The following PIGP variants were observed in gnomAD, a reference collection of about 807,000 sequenced individuals.
PIGP encodes phosphatidylinositol glycan anchor biosynthesis class P.
Under a neutral mutation model 16.9 loss-of-function variants are expected in PIGP, and 12 were observed. The observed-to-expected ratio is 0.71, with a 90% CI of 0.46 to 1.15. PIGP has a LOEUF of 1.15. Ranked by LOEUF, PIGP falls within the 50% of genes most tolerant of loss-of-function variation. The probability of loss-of-function intolerance (pLI) is 0.00; values close to 1 mark genes in which losing one functional copy is unlikely to be tolerated. For synonymous variants in PIGP, 57 were observed against 54.7 expected (o/e 1.04, Z -0.18); for missense variants, 159 against 153.5 (o/e 1.04, Z -0.19).
intron 4 of PIGP, among the ~76,000 whole-genome samples, chr21:37,066,016 G>A (rs1434247626): frequency 6.6e-6 from 1 of 152,064 alleles, no homozygotes; most frequent in Non-Finnish European, 1.5e-5. Flanking sequence ...CCAGGGGGCG[G>A]AGCCTGCAGT....
At chr21:37,070,375 TGA>T (rs1310448500) in intron 2 of PIGP, among the ~76,000 whole-genome samples, 1 of 152,186 alleles carries the variant, frequency 6.6e-6, no homozygotes, top group African/African-American at 2.4e-5. Context: ...GTCAGGTGTG[TGA>T]GACACAATAT....
intron 3 of PIGP, among the ~76,000 whole-genome samples, chr21:37,068,371 A>G (rs2069943044): frequency 6.6e-6 from 1 of 151,832 alleles, no homozygotes; most frequent in Admixed American, 6.6e-5. Context: ...TAAAATTTTA[A>G]TTTTGGTTAT....
At chr21:37,072,149 C>G (rs2070100525) in intron 2 of PIGP, 2 of 1,091,428 alleles carry the variant, frequency 1.8e-6, no homozygotes, top group African/African-American at 3.1e-5. Context: ...ATTTACCCAT[C>G]TGTCTCCTCC....
At chr21:37,066,600 C>T (rs569112792) in intron 4 of PIGP, among the ~76,000 whole-genome samples, 14 of 152,258 alleles carry the variant, frequency 9.2e-5, no homozygotes, top group African/African-American at 9.6e-5. Context: ...ACCAGACGAA[C>T]GTGTTGTGGC....
In PIGP at chr21:37,065,468, A is replaced by C; in HGVS notation, c.*114T>G. 1 of 1,027,918 alleles carries C rather than the reference A, an allele frequency of 9.7e-7. No individual in the cohort carries two copies. Among genetic ancestry groups the C allele is most frequent in the Non-Finnish European group, 1.4e-6 (1 of 712,016 alleles). The allele number at this position is 1,027,918 out of a possible 1,614,324, so 63.7% of individuals were successfully genotyped here. On this transcript the variant is annotated 3_prime_UTR_variant, in exon 5 of 5. Coordinates refer to ENST00000360525, the MANE Select transcript of PIGP (RefSeq NM_153682.3). ...ATAATCTAAGAGAAGGTCAACTTAC[A>C]TTTTTTACTTCTCTATTAATAAGAG... is the stretch of plus-strand genomic sequence containing the variant.
At chr21:37,072,319 G>A in intron 2 of PIGP, 115 bp downstream of exon 2, 2 of 1,596,194 alleles carry the variant, frequency 1.3e-6, no homozygotes, top group African/African-American at 1.3e-5. Context: ...TTCTTAAAAA[G>A]AGACATAGGG....
chr21:37,069,257 T>C (rs1389195327), intron 3 of PIGP: 2 of 189,288 alleles, frequency 1.1e-5, no homozygotes, highest in Non-Finnish European at 2.2e-5. Context: ...TGATATCTCT[T>C]TTCTGCTATA....
At chr21:37,067,403 A>G in intron 3 of PIGP, 23 bp from the exon 4 acceptor site, 1 of 1,232,946 alleles carries the variant, frequency 8.1e-7, no homozygotes, top group Non-Finnish European at 1.2e-6. Context: ...ATATTAAAGT[A>G]CATAATAGAC....
intron 2 of PIGP, chr21:37,072,135 G>T: frequency 1.0e-6 from 1 of 991,690 alleles, no homozygotes; most frequent in Non-Finnish European, 1.6e-6. Flanking sequence ...AGCATTAACT[G>T]TAGATTTACC....
chr21:37,071,039 G>A (rs1045790514), intron 2 of PIGP, among the ~76,000 whole-genome samples: 9 of 152,224 alleles, frequency 5.9e-5, no homozygotes, highest in Non-Finnish European at 1.0e-4. Flanking sequence ...GGGATTACAG[G>A]CGTGAGCCAC....
chr21:37,065,583 C>A lies in PIGP; in HGVS notation c.404G>T (p.Ter135LeuextTer20). The part of the protein sequence containing the change: ...LAAKELYTKN[*>L] ...GGTGTTACTATGGTTACACACAGTT[C>A]AGTTTTTGGTGTAAAGTTCTTTGGC... The change falls in exon 5 of 5, where the codon TGA (stop) becomes TTA (leucine). Residue 135 changes from the stop codon to leucine, a stop_lost. Transcript: ENST00000360525. 1 of 1,612,286 alleles carries A rather than the reference C, an allele frequency of 6.2e-7. No individual in the cohort carries two copies. The highest frequency in any genetic ancestry group is 1.1e-5 in the South Asian group (1 of 90,702).
chr21:37,066,040 G>A (rs1235957393), intron 4 of PIGP, among the ~76,000 whole-genome samples: 1 of 151,604 alleles, frequency 6.6e-6, no homozygotes, highest in Non-Finnish European at 1.5e-5. Context: ...CCGAGATTGC[G>A]CCATTGCACT....
Position 37,072,274 on chromosome 21 carries a change from C to CG in PIGP, c.82+159dup, listed in dbSNP as rs2070113437. ...AACCTCCTAGGCTAGTGCTGGCACA[C>CG]GGAACACTCAGCAAACACGAGATCC... On this transcript the variant is annotated intron_variant, in intron 2 of 4. Coordinates refer to ENST00000360525, the MANE Select transcript of PIGP (RefSeq NM_153682.3). 1.6e-5 allele frequency: 25 copies of CG among 1,608,038 alleles called. No individual in the cohort carries two copies. In the South Asian group the frequency reaches 2.8e-4, roughly 18 times the overall value.
chr21:37,065,705 A>G lies in PIGP; in HGVS notation c.282T>C (p.Tyr94=), dbSNP rs1488866991. 1 of 1,612,834 alleles carries G rather than the reference A, an allele frequency of 6.2e-7. No homozygotes were observed. The change falls in exon 5 of 5, where the codon TAT becomes TAC. Residue 94 remains tyrosine (Y), a synonymous_variant. Transcript: ENST00000360525. ...ATTTCTTCTGCTGTTGATTTTTTGCATAGTTATCTGTAAGAAAAGACCAAA... is the reference window on the plus strand; with the variant it reads ...ATTTCTTCTGCTGTTGATTTTTTGCGTAGTTATCTGTAAGAAAAGACCAAA... ...LDSIHTITDN[Y]AKNQQQKKYQ...
At position 37,072,480 on chromosome 21, in the gene PIGP, T is replaced by G; in HGVS notation, c.36A>C (p.Arg12Ser). The G allele has an allele frequency of 6.2e-7, 1 of 1,614,226 alleles. No homozygotes were observed. The highest frequency in any genetic ancestry group is 1.7e-5 in the Admixed American group (1 of 60,034). ...AGAAAAGAACAAAGCCATAAATCGC[T>G]CTTTCTGGCAATGGCGACGGTGAAT... ...VENSPSPLPERAIYGFVLFLS... is the reference protein window; with the variant it reads ...VENSPSPLPESAIYGFVLFLS... The change falls in exon 2 of 5, where the codon AGA (arginine) becomes AGC (serine). Residue 12 changes from arginine (R) to serine (S), a missense_variant. By Grantham distance (110) the Arg-to-Ser change is moderately radical. Coordinates refer to ENST00000360525, the MANE Select transcript of PIGP (RefSeq NM_153682.3).
At chr21:37,065,967 C>T (rs1436459805) in intron 4 of PIGP, among the ~76,000 whole-genome samples, 2 of 152,132 alleles carry the variant, frequency 1.3e-5, no homozygotes, top group Admixed American at 1.3e-4. Context: ...CCTGTAGTCC[C>T]ACCTACTCGG....
chr21:37,072,941 G>C lies in PIGP; in HGVS notation c.-23+59C>G, dbSNP rs149479272. The C allele has an allele frequency of 7.1e-3, 1,641 of 231,606 alleles. 29 individuals are homozygous for C. Among genetic ancestry groups the C allele is most frequent in the African/African-American group, 0.035 (1,515 of 43,070 alleles). The allele number at this position is 231,606 out of a possible 1,614,324, so 14.3% of individuals were successfully genotyped here. ...TCTCATTCGAGGCGGGGTATGGGGG[G>C]GCCCTCGACCTCGGGTCCTTCATAC... On this transcript the variant is annotated intron_variant, in intron 1 of 4. Coordinates refer to ENST00000360525, the MANE Select transcript of PIGP (RefSeq NM_153682.3).
At chr21:37,071,996 C>T in intron 2 of PIGP, 2 of 678,490 alleles carry the variant, frequency 2.9e-6, no homozygotes, top group South Asian at 3.3e-5. Flanking sequence ...GGCCTTTCCA[C>T]TTCTTCCCTC....
At chr21:37,066,960 T>C (rs1327735961) in intron 4 of PIGP, among the ~76,000 whole-genome samples, 2 of 148,408 alleles carry the variant, frequency 1.3e-5, no homozygotes, top group Non-Finnish European at 3.0e-5. Flanking sequence ...TAGTAGCTTC[T>C]TTTTACTGTC....
Sources: gnomAD v4.1 joint callset for allele counts (sites outside exome capture counted in the v4.1 genomes callset) on GRCh38, gnomAD v4.1.1 for gene constraint, MANE v1.5 for transcripts, NCBI Gene and HGNC (gene_info 2026-07-23, HGNC 2026-07-21) for gene names.